NLGN1: variants seen among roughly 807,000 people sequenced by gnomAD.
The protein encoded by NLGN1 is neuroligin 1.
NLGN1 carries 12 observed loss-of-function variants against 65.5 expected under a neutral mutation model. The observed-to-expected ratio is 0.18, with a 90% CI of 0.12 to 0.30. The LOEUF (loss-of-function observed/expected upper bound fraction) is 0.30, where lower values mean the gene tolerates loss of function less well. Among genes scored for constraint, NLGN1 ranks in the 10% least tolerant of loss-of-function variants. The pLI is 1.00. For missense variants in NLGN1, 750 were observed against 1,007.1 expected, an observed-to-expected ratio of 0.74 and a Z score of 3.46; for synonymous variants, 350 against 359.5, an observed-to-expected ratio of 0.97 and a Z score of 0.30.
At position 174,006,404 on chromosome 3, in the gene NLGN1, G is replaced by A. The variant is rs138314054; in HGVS notation, c.646+198572G>A. 3.1e-3 allele frequency among the ~76,000 whole-genome samples: 467 copies of A among 152,206 alleles called. 2 individuals carry two copies. Among genetic ancestry groups the A allele is most frequent in the Middle Eastern group, 6.8e-3 (2 of 294 alleles). On this transcript the variant is annotated intron_variant, in intron 4 of 6. Coordinates refer to ENST00000457714, the Ensembl canonical transcript of NLGN1. ...CACATTTTCTTCCACACGTATCCCT[G>A]TCTTTCTATCCGTACTGACATTCTT...
intron 4 of NLGN1, among the ~76,000 whole-genome samples, chr3:174,076,752 T>C (rs2152542449): frequency 6.6e-6 from 1 of 151,982 alleles, no homozygotes; most frequent in African/African-American, 2.4e-5. Context: ...TGTGTGTGTG[T>C]GTGTGTGTGT....
intron 3 of NLGN1, among the ~76,000 whole-genome samples, chr3:173,736,610 AGGCTTG>A: frequency 6.6e-6 from 1 of 151,912 alleles, no homozygotes; most frequent in Non-Finnish European, 1.5e-5. Context: ...TTTAGAAGGG[AGGCTTG>A]GAGAGGGTTG....
intron 4 of NLGN1, among the ~76,000 whole-genome samples, chr3:173,928,608 C>T (rs916992220): frequency 6.6e-6 from 1 of 151,704 alleles, no homozygotes; most frequent in Admixed American, 6.6e-5. Context: ...GGTATGAGGT[C>T]TCTCTGTCTC....
At chr3:173,453,075 G>T (rs1721896546) in intron 2 of NLGN1, among the ~76,000 whole-genome samples, 1 of 151,788 alleles carries the variant, frequency 6.6e-6, no homozygotes, top group Admixed American at 6.6e-5. Flanking sequence ...GAAGATTAGG[G>T]TGGCTATGTA....
chr3:173,740,823 A>G (rs1221834107), intron 3 of NLGN1, among the ~76,000 whole-genome samples: 13 of 152,072 alleles, frequency 8.5e-5, no homozygotes, highest in Admixed American at 8.5e-4. Flanking sequence ...TGTTCTCGAA[A>G]ACTAGAAAAG....
chr3:173,580,846 A>G (rs1312168680), intron 2 of NLGN1, among the ~76,000 whole-genome samples: 3 of 151,990 alleles, frequency 2.0e-5, no homozygotes, highest in East Asian at 1.9e-4. Context: ...AGTAATAGCC[A>G]TTTGCACTCA....
intron 4 of NLGN1, among the ~76,000 whole-genome samples, chr3:174,274,825 C>T (rs1448385734): frequency 1.3e-5 from 2 of 151,778 alleles, no homozygotes; most frequent in Non-Finnish European, 2.9e-5. Context: ...CAAAATCTTT[C>T]TCTACAAGTC....
intron 4 of NLGN1, among the ~76,000 whole-genome samples, chr3:173,852,188 C>T (rs554869194): frequency 6.6e-6 from 1 of 150,632 alleles, no homozygotes; most frequent in Non-Finnish European, 1.5e-5. Flanking sequence ...AACCCTGTCT[C>T]TACTAAAAAT....
intron 2 of NLGN1, among the ~76,000 whole-genome samples, chr3:173,540,979 G>T (rs1362986296): frequency 1.3e-5 from 2 of 152,082 alleles, no homozygotes; most frequent in African/African-American, 4.8e-5. Context: ...GTTAATTGAA[G>T]ATGTACTTGG....
chr3:173,882,503 C>G (rs1487506477), intron 4 of NLGN1, among the ~76,000 whole-genome samples: 2 of 152,246 alleles, frequency 1.3e-5, no homozygotes, highest in East Asian at 1.9e-4. Context: ...TTCTGGATAA[C>G]TTGCTACAGC....
chr3:173,418,201 G>A (rs1714191912), intron 1 of NLGN1, among the ~76,000 whole-genome samples: 1 of 149,026 alleles, frequency 6.7e-6, no homozygotes, highest in Non-Finnish European at 1.5e-5. Context: ...ATAATTGGAA[G>A]ATGTAATTAT....
intron 4 of NLGN1, among the ~76,000 whole-genome samples, chr3:174,162,444 G>T (rs1726729012): frequency 6.6e-6 from 1 of 151,892 alleles, no homozygotes; most frequent in Non-Finnish European, 1.5e-5. Context: ...AAGTTTGAGA[G>T]CAGTTGCTTC....
At chr3:174,079,173 C>T (rs1276926018) in intron 4 of NLGN1, among the ~76,000 whole-genome samples, 1 of 151,074 alleles carries the variant, frequency 6.6e-6, no homozygotes, top group Non-Finnish European at 1.5e-5. Context: ...ATCTACAAGA[C>T]ACTGAAAAAA....
intron 2 of NLGN1, among the ~76,000 whole-genome samples, chr3:173,515,720 T>C (rs947103526): frequency 1.8e-4 from 27 of 152,110 alleles, no homozygotes; most frequent in Non-Finnish European, 2.9e-4. Flanking sequence ...TACAATACCA[T>C]TTGTGAAGAA....
chr3:173,630,283 T>C (rs192679211), intron 3 of NLGN1, among the ~76,000 whole-genome samples: 17 of 152,278 alleles, frequency 1.1e-4, no homozygotes. Flanking sequence ...CAGTGAACAG[T>C]GATCTATTTA....
chr3:173,430,525 C>T (rs1716983032), intron 1 of NLGN1, among the ~76,000 whole-genome samples: 1 of 152,206 alleles, frequency 6.6e-6, no homozygotes, highest in Non-Finnish European at 1.5e-5. Flanking sequence ...TGCGTCCTAT[C>T]AGGTGGCTCT....
At chr3:173,693,067 TGAAGGTAAAAACTA>T (rs1170627179) in intron 3 of NLGN1, among the ~76,000 whole-genome samples, 3 of 152,074 alleles carry the variant, frequency 2.0e-5, no homozygotes, top group African/African-American at 7.2e-5. Flanking sequence ...ACACTACAAG[TGAAGGTAAAAACTA>T]GAGTTATAAT....
chr3:173,980,812 C>T (rs1458665238), intron 4 of NLGN1, among the ~76,000 whole-genome samples: 3 of 151,984 alleles, frequency 2.0e-5, no homozygotes, highest in Admixed American at 6.6e-5. Context: ...GACTAATCCT[C>T]CAAAATTTGA....
intron 4 of NLGN1, among the ~76,000 whole-genome samples, chr3:173,834,635 A>G (rs1723230268): frequency 6.6e-6 from 1 of 152,162 alleles, no homozygotes. Context: ...ACTATGCTAC[A>G]AGCTTTACAC....
Sources: allele counts gnomAD v4.1 joint callset (sites outside exome capture counted in the v4.1 genomes callset), GRCh38; gene constraint gnomAD v4.1.1; transcripts MANE v1.5; gene names NCBI Gene and HGNC (gene_info 2026-07-23, HGNC 2026-07-21).